Variants in HMCN1 observed in about 807,000 individuals in gnomAD.
HMCN1 encodes hemicentin-1.
A neutral mutation model predicts 625.9 loss-of-function variants in HMCN1; 321 were observed. The observed-to-expected ratio is 0.51, with a 90% CI of 0.47 to 0.56. HMCN1 has a LOEUF of 0.56. HMCN1 is among the 20% of genes least tolerant of loss of function. HMCN1 has a pLI of 0.00. For missense variants in HMCN1, 6,588 were observed against 6,887.3 expected, an observed-to-expected ratio of 0.96 and a Z score of 1.54; for synonymous variants, 2,425 against 2,417.6, an observed-to-expected ratio of 1.00 and a Z score of -0.09.
chr1:186,026,949 A>T (rs1219122090), intron 36 of HMCN1, among the ~76,000 whole-genome samples: 1 of 151,870 alleles, frequency 6.6e-6, no homozygotes, highest in Admixed American at 6.6e-5. Flanking sequence ...TTTTTTTTTT[A>T]ATCTCAATCT....
chr1:185,872,057 T>G (rs1437104299), intron 4 of HMCN1, among the ~76,000 whole-genome samples: 1 of 152,230 alleles, frequency 6.6e-6, no homozygotes, highest in Non-Finnish European at 1.5e-5. Flanking sequence ...ACAACTATAA[T>G]GTTCTAGAGA....
At chr1:185,950,847 A>G (rs1189895186) in intron 11 of HMCN1, among the ~76,000 whole-genome samples, 6 of 151,742 alleles carry the variant, frequency 4.0e-5, no homozygotes, top group Non-Finnish European at 7.4e-5. Context: ...TGGGTTTGGC[A>G]CCATGGGGTG....
At chr1:186,183,685 G>C (rs935023909) in intron 105 of HMCN1, among the ~76,000 whole-genome samples, 5 of 152,158 alleles carry the variant, frequency 3.3e-5, no homozygotes, top group Non-Finnish European at 5.9e-5. Flanking sequence ...CTAATTATCA[G>C]AGTGATTATG....
At chr1:185,836,945 G>A (rs1661205030) in intron 1 of HMCN1, among the ~76,000 whole-genome samples, 1 of 151,700 alleles carries the variant, frequency 6.6e-6, no homozygotes, top group African/African-American at 2.4e-5. Flanking sequence ...CCATGTTGCT[G>A]TAAAAACATG....
intron 71 of HMCN1, among the ~76,000 whole-genome samples, chr1:186,110,476 G>T (rs1660823797): frequency 6.6e-6 from 1 of 152,196 alleles, no homozygotes; most frequent in Non-Finnish European, 1.5e-5. Flanking sequence ...TACAAATAAA[G>T]TTGTATCCAT....
At chr1:185,952,232 T>C (rs993555374) in intron 11 of HMCN1, among the ~76,000 whole-genome samples, 1 of 151,734 alleles carries the variant, frequency 6.6e-6, no homozygotes, top group Non-Finnish European at 1.5e-5. Flanking sequence ...GGGGGAGGGC[T>C]AGTCACGGAA....
intron 97 of HMCN1, among the ~76,000 whole-genome samples, chr1:186,163,424 C>T (rs1241486361): frequency 5.3e-5 from 8 of 152,154 alleles, no homozygotes; most frequent in Admixed American, 2.6e-4. Flanking sequence ...CTGACCTGCA[C>T]CCACTGTCTG....
intron 11 of HMCN1, among the ~76,000 whole-genome samples, chr1:185,948,636 CT>C (rs1259558585): frequency 6.6e-6 from 1 of 151,760 alleles, no homozygotes; most frequent in African/African-American, 2.4e-5. Context: ...ATATTCACTT[CT>C]TTTTTGATTC....
chr1:185,821,727 G>A (rs1307004216), intron 1 of HMCN1, among the ~76,000 whole-genome samples: 2 of 151,138 alleles, frequency 1.3e-5, no homozygotes, highest in Non-Finnish European at 2.9e-5. Context: ...GCCTGCTCAT[G>A]GTTCTCTTCT....
At chr1:186,006,237 A>G (rs918440764) in intron 29 of HMCN1, among the ~76,000 whole-genome samples, 10 of 152,112 alleles carry the variant, frequency 6.6e-5, no homozygotes, top group Non-Finnish European at 1.3e-4. Flanking sequence ...AAATAGTAAA[A>G]TATGCTACCA....
intron 41 of HMCN1, 150 bp from the exon 42 acceptor site, chr1:186,048,593 G>T (rs74134302): frequency 0.015 from 9,299 of 640,724 alleles, 424 homozygotes; most frequent in African/African-American, 0.11. Context: ...TGGGTGATGG[G>T]TATATAGCCA....
At chr1:185,743,618 T>C (rs994310566) in intron 1 of HMCN1, among the ~76,000 whole-genome samples, 2 of 152,226 alleles carry the variant, frequency 1.3e-5, no homozygotes. Context: ...ATGTTGTAAG[T>C]GTTCTCACAA....
At chr1:185,778,203 T>C (rs1462442724) in intron 1 of HMCN1, among the ~76,000 whole-genome samples, 1 of 152,150 alleles carries the variant, frequency 6.6e-6, no homozygotes, top group Non-Finnish European at 1.5e-5. Context: ...CCTGACTCTT[T>C]TTAGTCAGTG....
intron 63 of HMCN1, 124 bp downstream of exon 63, chr1:186,088,879 A>G (rs1299317394): frequency 6.3e-6 from 6 of 951,808 alleles, no homozygotes; most frequent in South Asian, 3.2e-5. Flanking sequence ...ATCAAAAACT[A>G]TCATCAGTTT....
At position 186,017,035 on chromosome 1, in the gene HMCN1, A is replaced by G; in HGVS notation, c.5264A>G (p.Asp1755Gly). Reference protein sequence around the residue: ...IVMVNNLLELDCHVTGSPPPT... With the variant: ...IVMVNNLLELGCHVTGSPPPT... The stretch of plus-strand genomic sequence containing the variant: ...ATGGTTAATAACTTACTGGAGCTAG[A>G]TTGTCATGTGACAGGCTCTCCCCCA... The change falls in exon 33 of 107, where the codon GAT (aspartate) becomes GGT (glycine). Residue 1755 changes from aspartate (D) to glycine (G), a missense_variant. Around this residue, in one of 3 missense-constraint regions of HMCN1, gnomAD observed 4,628 missense variants for 4,853.1 expected, o/e 0.95. Coordinates refer to ENST00000271588, the MANE Select transcript of HMCN1 (RefSeq NM_031935.3). 2 of 1,608,452 alleles carry G rather than the reference A, an allele frequency of 1.2e-6. No homozygotes were observed. Among genetic ancestry groups the G allele is most frequent in the Non-Finnish European group, 1.7e-6 (2 of 1,175,162 alleles).
rs1320471680 is a variant in HMCN1 at position 186,136,842 on chromosome 1, T to C, written c.13487T>C (p.Ile4496Thr). The change falls in exon 87 of 107, where the codon ATT becomes ACT. Residue 4496 changes from isoleucine (I) to threonine (T), a missense_variant. Coordinates refer to ENST00000271588, the MANE Select transcript of HMCN1 (RefSeq NM_031935.3). ...GTGTTGTCCAACAACTCATTATATA[T>C]TGCTGATGCTCAGAAAGAAGATACC... ...VNVLSNNSLY[I>T]ADAQKEDTSE... The C allele has an allele frequency of 6.2e-7, 1 of 1,614,076 alleles. No homozygotes were observed. Among genetic ancestry groups the C allele is most frequent in the Admixed American group, 1.7e-5 (1 of 60,004 alleles).
chr1:185,868,049 A>G (rs1663379685), intron 4 of HMCN1, among the ~76,000 whole-genome samples: 1 of 152,080 alleles, frequency 6.6e-6, no homozygotes. Context: ...AGCCTGGGCA[A>G]CTGAGTGAGA....
intron 54 of HMCN1, 43 bp downstream of exon 54, chr1:186,076,665 A>G: frequency 6.4e-7 from 1 of 1,572,470 alleles, no homozygotes; most frequent in Non-Finnish European, 8.7e-7. Flanking sequence ...ACTCTCTGCC[A>G]AATGTGTTTC....
chr1:186,142,742 A>C (rs1451474459), intron 89 of HMCN1, among the ~76,000 whole-genome samples: 1 of 152,198 alleles, frequency 6.6e-6, no homozygotes, highest in African/African-American at 2.4e-5. Context: ...ATTAAAAAAT[A>C]AAAATAAAAA....
Sources: gnomAD v4.1 joint callset for allele counts (sites outside exome capture counted in the v4.1 genomes callset) on GRCh38, gnomAD v4.1.1 for gene constraint, gnomAD v4.1.1 regional missense constraint, MANE v1.5 for transcripts, NCBI Gene and HGNC (gene_info 2026-07-23, HGNC 2026-07-21) for gene names.